Variants in RIMS1 observed in about 807,000 individuals in gnomAD.
RIMS1 encodes the protein regulating synaptic membrane exocytosis 1, also known as regulating synaptic membrane exocytosis protein 1.
In RIMS1, 83 loss-of-function variants were observed where a neutral mutation model predicts 214.1. That is an observed-to-expected ratio of 0.39 (90% CI 0.32 to 0.47). The LOEUF is 0.47. Among genes scored for constraint, RIMS1 ranks in the 20% least tolerant of loss-of-function variants. The pLI is 0.99. For synonymous variants in RIMS1, 793 were observed against 786.8 expected, an observed-to-expected ratio of 1.01 and a Z score of -0.13; for missense variants, 2,050 against 2,161.8, an observed-to-expected ratio of 0.95 and a Z score of 1.03.
intron 22 of RIMS1, among the ~76,000 whole-genome samples, chr6:72,273,291 G>A (rs1227207848): frequency 6.6e-6 from 1 of 151,970 alleles, no homozygotes; most frequent in Non-Finnish European, 1.5e-5. Context: ...TGAAATGGTA[G>A]GACTAGACTC....
chr6:72,298,680 C>T (rs77547950), intron 26 of RIMS1, among the ~76,000 whole-genome samples: 1 of 151,972 alleles, frequency 6.6e-6, no homozygotes, highest in South Asian at 2.1e-4. Flanking sequence ...TTTGAATCCA[C>T]AGCCCATGTT....
chr6:72,054,072 C>A (rs1270608195), intron 2 of RIMS1, among the ~76,000 whole-genome samples: 1 of 151,968 alleles, frequency 6.6e-6, no homozygotes, highest in Non-Finnish European at 1.5e-5. Context: ...GCTCTCCCTC[C>A]CCTTGCCCAC....
intron 1 of RIMS1, among the ~76,000 whole-genome samples, chr6:71,964,685 G>GA (rs903481681): frequency 2.4e-4 from 36 of 148,166 alleles, no homozygotes; most frequent in Admixed American, 6.7e-4. Flanking sequence ...AGGTTTAGGG[G>GA]AAAAAAAAAA....
At chr6:72,063,774 G>A (rs1023116285) in intron 2 of RIMS1, among the ~76,000 whole-genome samples, 15 of 152,214 alleles carry the variant, frequency 9.9e-5, no homozygotes, top group Admixed American at 2.6e-4. Flanking sequence ...GTTTGTATTC[G>A]TTTTATCTGT....
At chr6:72,288,114 A>G (rs932161890) in intron 24 of RIMS1, among the ~76,000 whole-genome samples, 2 of 152,186 alleles carry the variant, frequency 1.3e-5, no homozygotes, top group Admixed American at 6.5e-5. Flanking sequence ...CTATCTCACT[A>G]GACAGAAAAG....
chr6:71,983,472 A>AT (rs888314424), intron 2 of RIMS1, among the ~76,000 whole-genome samples: 16 of 151,604 alleles, frequency 1.1e-4, no homozygotes, highest in Admixed American at 5.9e-4. Flanking sequence ...CATAAACTTG[A>AT]TTTTTTTTTC....
intron 1 of RIMS1, among the ~76,000 whole-genome samples, chr6:71,898,837 C>CT (rs1320106448): frequency 2.6e-5 from 4 of 152,162 alleles, no homozygotes; most frequent in Non-Finnish European, 5.9e-5. Context: ...TCCAGGTCTT[C>CT]TGTGTCCTAG....
intron 2 of RIMS1, among the ~76,000 whole-genome samples, chr6:72,073,119 T>G (rs748884410): frequency 1.3e-5 from 2 of 152,180 alleles, no homozygotes; most frequent in Non-Finnish European, 1.5e-5. Flanking sequence ...CAGCAGTATC[T>G]CTTTAAACCT....
At position 71,956,825 on chromosome 6, in the gene RIMS1, G is replaced by A. The variant is rs1249633010; in HGVS notation, c.165-12158G>A. Among the ~76,000 whole-genome samples the A allele has an allele frequency of 2.0e-5, 3 of 152,160 alleles. 1 individual carries two copies. Among genetic ancestry groups the A allele is most frequent in the Admixed American group, 2.0e-4 (3 of 15,266 alleles). On this transcript the variant is annotated intron_variant, in intron 1 of 33. Coordinates refer to ENST00000521978, the MANE Select transcript of RIMS1 (RefSeq NM_014989.7). ...ATGAATGGCTCATTCTTCAACAGCA[G>A]TTCCCAAACACCTGCTTGAACACAT...
At chr6:71,935,527 T>G (rs570611888) in intron 1 of RIMS1, among the ~76,000 whole-genome samples, 1 of 152,310 alleles carries the variant, frequency 6.6e-6, no homozygotes, top group East Asian at 1.9e-4. Context: ...TAAGCAAATG[T>G]GGTTTGGTGT....
chr6:72,221,082 T>G (rs1476973113), intron 6 of RIMS1, among the ~76,000 whole-genome samples: 1 of 152,078 alleles, frequency 6.6e-6, no homozygotes, highest in African/African-American at 2.4e-5. Context: ...AGTTTTTGCT[T>G]GAAGCTGTCC....
intron 1 of RIMS1, among the ~76,000 whole-genome samples, chr6:71,936,132 C>T (rs1562229899): frequency 6.6e-6 from 1 of 151,470 alleles, no homozygotes; most frequent in Non-Finnish European, 1.5e-5. Flanking sequence ...GGGCGGATCA[C>T]GAGGTCAGGA....
chr6:72,270,854 G>A (rs1010492159), intron 22 of RIMS1, among the ~76,000 whole-genome samples: 2 of 152,134 alleles, frequency 1.3e-5, no homozygotes, highest in African/African-American at 4.8e-5. Flanking sequence ...GGTGCAATGA[G>A]GAAAGGCTTA....
intron 2 of RIMS1, among the ~76,000 whole-genome samples, chr6:72,080,244 A>G (rs938095774): frequency 3.3e-5 from 5 of 152,086 alleles, no homozygotes; most frequent in East Asian, 1.9e-4. Context: ...AGCCTGGGCA[A>G]CACAGCGCGA....
At chr6:72,120,318 G>T (rs1360728232) in intron 4 of RIMS1, among the ~76,000 whole-genome samples, 2 of 151,774 alleles carry the variant, frequency 1.3e-5, no homozygotes, top group Non-Finnish European at 2.9e-5. Flanking sequence ...AGCACCTGTT[G>T]TTTCCTGACT....
intron 22 of RIMS1, among the ~76,000 whole-genome samples, chr6:72,269,422 A>G (rs2082020283): frequency 6.6e-6 from 1 of 152,086 alleles, no homozygotes; most frequent in Non-Finnish European, 1.5e-5. Flanking sequence ...TGTTCCTTAA[A>G]TTTTATTTCT....
At chr6:72,387,279 G>A (rs183487651) in intron 29 of RIMS1, among the ~76,000 whole-genome samples, 7 of 152,262 alleles carry the variant, frequency 4.6e-5, no homozygotes, top group South Asian at 2.1e-4. Flanking sequence ...GCACCTCACC[G>A]TTTAGATTTA....
At chr6:72,313,016 T>C (rs1288737674) in intron 27 of RIMS1, among the ~76,000 whole-genome samples, 1 of 152,142 alleles carries the variant, frequency 6.6e-6, no homozygotes, top group African/African-American at 2.4e-5. Flanking sequence ...AAATCCAAAA[T>C]GTTCCACTGA....
At chr6:72,030,506 T>C (rs182101986) in intron 2 of RIMS1, among the ~76,000 whole-genome samples, 5 of 152,292 alleles carry the variant, frequency 3.3e-5, no homozygotes, top group Admixed American at 1.3e-4. Context: ...TGCAGTGACA[T>C]TTCTCCATAG....
Sources: gnomAD v4.1 joint callset for allele counts (sites outside exome capture counted in the v4.1 genomes callset) on GRCh38, gnomAD v4.1.1 for gene constraint, MANE v1.5 for transcripts, NCBI Gene and HGNC (gene_info 2026-07-23, HGNC 2026-07-21) for gene names.